The following PPP2R2C variants were observed in gnomAD, a reference collection of about 807,000 sequenced individuals.
PPP2R2C encodes the protein protein phosphatase 2, regulatory subunit B, gamma.
A neutral mutation model predicts 45.3 loss-of-function variants in PPP2R2C; 10 were observed. That is an observed-to-expected ratio of 0.22 (90% CI 0.14 to 0.37). The LOEUF is 0.37. PPP2R2C is among the 10% of genes least tolerant of loss of function. PPP2R2C has a pLI of 1.00. For missense variants in PPP2R2C, 308 were observed against 619.7 expected (o/e 0.50, Z 5.34); for synonymous variants, 257 against 245.4 (o/e 1.05, Z -0.44).
chr4:6,562,468 C>CGGGGG, intron 1 of PPP2R2C, among the ~76,000 whole-genome samples: 1 of 93,242 alleles, frequency 1.1e-5, no homozygotes, highest in African/African-American at 4.9e-5. Flanking sequence ...TCAACGGAGT[C>CGGGGG]GGGGGGGGGG....
At chr4:6,372,745 G>A (rs370368433) in intron 4 of PPP2R2C, 45 bp from the exon 5 acceptor site, 23 of 1,587,562 alleles carry the variant, frequency 1.4e-5, no homozygotes, top group Middle Eastern at 1.8e-4. Flanking sequence ...GCCAGGTGGT[G>A]GCATCAGGAC....
chr4:6,334,745 C>T (rs2109179345), intron 6 of PPP2R2C, among the ~76,000 whole-genome samples: 1 of 152,218 alleles, frequency 6.6e-6, no homozygotes, highest in East Asian at 1.9e-4. Flanking sequence ...CTATGACAAC[C>T]TGTCCAGCTG....
intron 1 of PPP2R2C, among the ~76,000 whole-genome samples, chr4:6,435,355 C>G (rs1165261029): frequency 2.0e-5 from 3 of 152,192 alleles, no homozygotes; most frequent in African/African-American, 7.2e-5. Context: ...GTTTCACTCT[C>G]TTCTGTCATG....
chr4:6,492,581 G>A (rs1331486616), intron 2 of PPP2R2C, among the ~76,000 whole-genome samples: 4 of 152,204 alleles, frequency 2.6e-5, no homozygotes, highest in African/African-American at 9.6e-5. Flanking sequence ...GAGAACTACT[G>A]CTGTTTTTTA....
rs374745976 is a variant in PPP2R2C at position 6,530,187 on chromosome 4, C to G, written c.49+5084G>C. On this transcript the variant is annotated intron_variant, in intron 2 of 9. Coordinates refer to the PPP2R2C transcript ENST00000506140. ...GAATATGACGTCTTAAGCCGGGGTCCCGGGTTTGGGGTTTTGAGGTACACA... is the reference window on the plus strand; with the variant it reads ...GAATATGACGTCTTAAGCCGGGGTCGCGGGTTTGGGGTTTTGAGGTACACA... 3.3e-5 allele frequency among the ~76,000 whole-genome samples: 5 copies of G among 152,136 alleles called. No individual in the cohort carries two copies. In the East Asian group the frequency reaches 5.8e-4, roughly 18 times the overall value.
rs1489104225 is a variant in PPP2R2C at position 6,328,510 on chromosome 4, A to G, written c.1052+752T>C. On this transcript the variant is annotated intron_variant, in intron 8 of 8. Transcript: ENST00000382599. This position sits in a 1 kb window ranked among gnomAD's most constrained non-coding sequence, Gnocchi z 4.4. ...AGCTGATGTGATTTGGGAGGGCAGAAGAGGGATTTTCCCACCTCCAGAATG... is the reference window on the plus strand; with the variant it reads ...AGCTGATGTGATTTGGGAGGGCAGAGGAGGGATTTTCCCACCTCCAGAATG... 6.6e-6 allele frequency among the ~76,000 whole-genome samples: 1 copy of G among 152,220 alleles called. No homozygotes were observed. Among genetic ancestry groups the G allele is most frequent in the African/African-American group, 2.4e-5 (1 of 41,452 alleles).
At chr4:6,392,035 C>A (rs1436111028) in intron 1 of PPP2R2C, among the ~76,000 whole-genome samples, 1 of 152,180 alleles carries the variant, frequency 6.6e-6, no homozygotes, top group Non-Finnish European at 1.5e-5. Flanking sequence ...TTCAATTAGT[C>A]ATTCAAAAGA....
intron 6 of PPP2R2C, among the ~76,000 whole-genome samples, chr4:6,337,067 GATA>G (rs1474056952): frequency 1.0e-5 from 1 of 98,440 alleles, no homozygotes; most frequent in Non-Finnish European, 2.0e-5. Context: ...TTTGTGCCCC[GATA>G]ATAATAATTA....
intron 1 of PPP2R2C, chr4:6,383,597 G>A: frequency 1.9e-6 from 1 of 540,126 alleles, no homozygotes; most frequent in Non-Finnish European, 2.9e-6. Flanking sequence ...GCCTTCCCGT[G>A]AGCACAGCTT....
In PPP2R2C at chr4:6,472,395, C is replaced by G; in HGVS notation, c.-166G>C. ...CGGCAGGGGGACGGGCGGGGGCGGC[C>G]GGGGGCGGGCGCCGCGGTCAAGCGA... is the stretch of plus-strand genomic sequence containing the variant. On this transcript the variant is annotated 5_prime_UTR_variant, in exon 1 of 9. Transcript: ENST00000382599. 4.4e-5 allele frequency: 23 copies of G among 519,634 alleles called. No homozygotes were observed. Among genetic ancestry groups the G allele is most frequent in the South Asian group, 1.7e-4 (2 of 11,578 alleles). The allele number at this position is 519,634 out of a possible 1,614,324, so 32.2% of individuals were successfully genotyped here.
intron 5 of PPP2R2C, among the ~76,000 whole-genome samples, chr4:6,356,413 C>A (rs1254920837): frequency 6.6e-6 from 1 of 152,172 alleles, no homozygotes; most frequent in Non-Finnish European, 1.5e-5. Flanking sequence ...AGAGAAGGGT[C>A]AGACCAGGCC....
Position 6,359,432 on chromosome 4 carries a change from C to G in PPP2R2C, c.626-11422G>C, listed in dbSNP as rs1359963345. Among the ~76,000 whole-genome samples, 4 of 152,088 alleles carry G rather than the reference C, an allele frequency of 2.6e-5. No individual in the cohort carries two copies. In the South Asian group the frequency reaches 8.3e-4, roughly 32 times the overall value. ...ATGGGTGCAGCACACCAACATGGCACATGTATACCTATGTAACAAACATGC... is the reference window on the plus strand; with the variant it reads ...ATGGGTGCAGCACACCAACATGGCAGATGTATACCTATGTAACAAACATGC... On this transcript the variant is annotated intron_variant, in intron 5 of 8. Transcript: ENST00000382599.
intron 2 of PPP2R2C, among the ~76,000 whole-genome samples, chr4:6,479,570 C>T (rs1461410276): frequency 6.6e-6 from 1 of 152,124 alleles, no homozygotes; most frequent in East Asian, 1.9e-4. Flanking sequence ...GAATTTCTGC[C>T]CCTGCACGAG....
At position 6,472,408 on chromosome 4, in the gene PPP2R2C, C is replaced by G; in HGVS notation, c.-179G>C. 1.2e-6 allele frequency: 1 copy of G among 819,348 alleles called. No individual in the cohort carries two copies. Among genetic ancestry groups the G allele is most frequent in the Non-Finnish European group, 1.5e-6 (1 of 681,058 alleles). The allele number at this position is 819,348 out of a possible 1,614,324, so 50.8% of individuals were successfully genotyped here. ...GGCGGGGGCGGCCGGGGGCGGGCGC[C>G]GCGGTCAAGCGAGCGCGCGGTGGGC... On this transcript the variant is annotated 5_prime_UTR_variant, in exon 1 of 9. Coordinates refer to ENST00000382599, the MANE Select transcript of PPP2R2C (RefSeq NM_020416.4).
At chr4:6,365,744 C>T (rs560749040) in intron 5 of PPP2R2C, among the ~76,000 whole-genome samples, 13 of 152,314 alleles carry the variant, frequency 8.5e-5, no homozygotes, top group Non-Finnish European at 1.9e-4. Flanking sequence ...CCCACCTGGC[C>T]GTGCGGACCT....
At chr4:6,551,018 G>A (rs945676922) in intron 1 of PPP2R2C, among the ~76,000 whole-genome samples, 19 of 152,126 alleles carry the variant, frequency 1.2e-4, no homozygotes, top group East Asian at 7.7e-4. Context: ...TACCTTCCTC[G>A]CCTCCGGGGC....
intron 1 of PPP2R2C, among the ~76,000 whole-genome samples, chr4:6,404,451 C>T (rs1326104958): frequency 6.6e-6 from 1 of 152,180 alleles, no homozygotes; most frequent in African/African-American, 2.4e-5. Context: ...CTTGTATGCA[C>T]AGCACTTTGC....
At chr4:6,539,443 G>A (rs571210878) in intron 1 of PPP2R2C, among the ~76,000 whole-genome samples, 5 of 152,296 alleles carry the variant, frequency 3.3e-5, no homozygotes, top group Admixed American at 3.3e-4. Context: ...GCGGCCACAG[G>A]GCACTCACAC....
At chr4:6,545,161 T>G (rs1381191941) in intron 1 of PPP2R2C, among the ~76,000 whole-genome samples, 1 of 152,224 alleles carries the variant, frequency 6.6e-6, no homozygotes, top group African/African-American at 2.4e-5. Flanking sequence ...TATTGCCTCC[T>G]CCAGACATTT....
Sources: allele counts gnomAD v4.1 joint callset (sites outside exome capture counted in the v4.1 genomes callset), GRCh38; gene constraint gnomAD v4.1.1; non-coding constraint Gnocchi (gnomAD v3.1); transcripts MANE v1.5; gene names NCBI Gene and HGNC (gene_info 2026-07-23, HGNC 2026-07-21).